Variants in CDK5RAP2 observed in about 807,000 individuals in gnomAD.
CDK5RAP2 encodes the protein CDK5 regulatory subunit associated protein 2.
Under a neutral mutation model 232.9 loss-of-function variants are expected in CDK5RAP2, and 147 were observed. That is an observed-to-expected ratio of 0.63 (90% CI 0.55 to 0.72). The LOEUF (loss-of-function observed/expected upper bound fraction) is 0.72, where lower values mean the gene tolerates loss of function less well. CDK5RAP2 is among the 30% of genes least tolerant of loss of function. The probability of loss-of-function intolerance (pLI) is 0.00; values close to 1 mark genes in which losing one functional copy is unlikely to be tolerated. For synonymous variants in CDK5RAP2, 833 were observed against 833.7 expected (o/e 1.00, Z 0.01); for missense variants, 2,195 against 2,231.5 (o/e 0.98, Z 0.33).
At chr9:120,448,240 T>C in intron 21 of CDK5RAP2, 114 bp from the exon 22 acceptor site, 1 of 866,832 alleles carries the variant, frequency 1.2e-6, no homozygotes, top group Non-Finnish European at 1.9e-6. Context: ...CTGCCCAGAC[T>C]TCTCGTTCCC....
intron 12 of CDK5RAP2, among the ~76,000 whole-genome samples, chr9:120,512,034 G>A (rs567365265): frequency 1.4e-3 from 213 of 151,090 alleles, no homozygotes; most frequent in African/African-American, 4.8e-3. Context: ...CACCGCGCCC[G>A]GCCACAATGT....
chr9:120,478,460 CA>C (rs1240443904), intron 14 of CDK5RAP2, among the ~76,000 whole-genome samples: 1 of 152,150 alleles, frequency 6.6e-6, no homozygotes, highest in African/African-American at 2.4e-5. Context: ...ATGTAATATA[CA>C]GCATGATGAC....
At chr9:120,391,894 C>T (rs1424817008) in intron 36 of CDK5RAP2, among the ~76,000 whole-genome samples, 1 of 152,206 alleles carries the variant, frequency 6.6e-6, no homozygotes, top group Non-Finnish European at 1.5e-5. Flanking sequence ...GGATGAGCTG[C>T]AGAGCCTGGC....
chr9:120,529,928 G>C (rs772759259), intron 8 of CDK5RAP2, 50 bp downstream of exon 8: 1 of 1,565,150 alleles, frequency 6.4e-7, no homozygotes, highest in African/African-American at 1.3e-5. Context: ...CTCCCACAGA[G>C]GAGTCTGGTT....
At chr9:120,536,269 AC>A (rs2041380072) in intron 7 of CDK5RAP2, 102 bp downstream of exon 7, 1 of 1,290,186 alleles carries the variant, frequency 7.8e-7, no homozygotes. Flanking sequence ...CCTATGGGAA[AC>A]ATGGGGAGAA....
chr9:120,548,011 C>T (rs1398129599), intron 4 of CDK5RAP2, among the ~76,000 whole-genome samples: 1 of 152,184 alleles, frequency 6.6e-6, no homozygotes, highest in African/African-American at 2.4e-5. Flanking sequence ...AAAAACAAAA[C>T]ATAAAAGCTC....
intron 35 of CDK5RAP2, among the ~76,000 whole-genome samples, chr9:120,397,545 AAAAAAAAAAAAAAAAAAAAAGAAAAAAG>A (rs992780188): frequency 1.9e-5 from 2 of 104,748 alleles, no homozygotes; most frequent in Non-Finnish European, 3.7e-5. Flanking sequence ...AAACATTCTT[AAAAAAAAAAAAAAAAAAAAAGAAAAAAG>A]AAAAAAAAAA....
chr9:120,472,446 G>A (rs766505695), intron 15 of CDK5RAP2, among the ~76,000 whole-genome samples: 5 of 152,238 alleles, frequency 3.3e-5, no homozygotes, highest in South Asian at 2.1e-4. Flanking sequence ...TTGGGCACCC[G>A]GGCTTCAGAA....
rs2032499781 is a variant in CDK5RAP2, at chr9:120,396,717, C to T, written c.5452-2079G>A. Among the ~76,000 whole-genome samples, 8 of 152,344 alleles carry T rather than the reference C, an allele frequency of 5.3e-5. 1 individual carries two copies. In the South Asian group the frequency reaches 1.4e-3, roughly 28 times the overall value. On this transcript the variant is annotated intron_variant, in intron 35 of 37. Coordinates refer to ENST00000349780, the MANE Select transcript of CDK5RAP2 (RefSeq NM_018249.6). Reference sequence around the variant, plus strand: ...AGTAGGTGCTGTGACACCATTTACCCACTCATGGTGGATTAATTTTCACTA... The same window carrying T: ...AGTAGGTGCTGTGACACCATTTACCTACTCATGGTGGATTAATTTTCACTA...
rs777478502 is a variant in CDK5RAP2 at position 120,568,406 on chromosome 9, A to G, written c.128-18T>C. The G allele has an allele frequency of 3.8e-6, 6 of 1,590,184 alleles. No homozygotes were observed. The highest frequency in any genetic ancestry group is 5.2e-6 in the Non-Finnish European group (6 of 1,158,074). ...TGGGAGCACTGTAAAAAGGTAAAAT[A>G]GAGGAAAACGTCACAGCATGCAAAC... is the stretch of plus-strand genomic sequence containing the variant. On this transcript the variant is annotated intron_variant, in intron 2 of 37. Coordinates refer to ENST00000349780, the MANE Select transcript of CDK5RAP2 (RefSeq NM_018249.6).
chr9:120,448,236 A>G, intron 21 of CDK5RAP2, 110 bp from the exon 22 acceptor site: 1 of 901,158 alleles, frequency 1.1e-6, no homozygotes, highest in Non-Finnish European at 1.8e-6. Flanking sequence ...CTGGCTGCCC[A>G]GACTTCTCGT....
chr9:120,566,544 T>C (rs2042652497), intron 3 of CDK5RAP2, among the ~76,000 whole-genome samples: 1 of 152,162 alleles, frequency 6.6e-6, no homozygotes, highest in Non-Finnish European at 1.5e-5. Context: ...ACAGTAATTA[T>C]AACAATAACA....
rs1244838496 is a variant in CDK5RAP2 at position 120,394,525 on chromosome 9, G to T, written c.5565C>A (p.Val1855=). 13 of 1,614,152 alleles carry T rather than the reference G, an allele frequency of 8.1e-6. No individual in the cohort carries two copies. In the East Asian group the frequency reaches 2.9e-4, roughly 36 times the overall value. Residue 1855 remains valine, a synonymous_variant, in exon 36 of 38, where the codon GTC becomes GTA. Transcript: ENST00000349780. ...LLQLSKRQEK[V]IFDQLVVTHK... ...ACACTCACTCACATTGATCAAAGAT[G>T]ACTTTTTCCTGGCGCTTGCTCAGCT...
At chr9:120,556,371 AT>A (rs1274864136) in intron 3 of CDK5RAP2, among the ~76,000 whole-genome samples, 1 of 151,888 alleles carries the variant, frequency 6.6e-6, no homozygotes, top group Non-Finnish European at 1.5e-5. Context: ...CTCATCACGT[AT>A]TTTTTTCAGC....
At chr9:120,528,624 C>G (rs528552010) in intron 9 of CDK5RAP2, 120 bp downstream of exon 9, 1 of 728,924 alleles carries the variant, frequency 1.4e-6, no homozygotes, top group African/African-American at 1.7e-5. Flanking sequence ...GACTGGCATA[C>G]AGTAGCATTC....
rs562393346 is a variant in CDK5RAP2 at position 120,509,542 on chromosome 9, A to G, written c.1311+8885T>C. Among the ~76,000 whole-genome samples, 3 of 152,366 alleles carry G rather than the reference A, an allele frequency of 2.0e-5. No homozygotes were observed. In the South Asian group the frequency reaches 6.2e-4, roughly 32 times the overall value. ...GTTTAAGCTGTTGGCTTAGAAGTTA[A>G]GCACTTGTAAGTGAAGCTGAGATTG... On this transcript the variant is annotated intron_variant, in intron 12 of 37. Transcript: ENST00000349780.
intron 32 of CDK5RAP2, among the ~76,000 whole-genome samples, chr9:120,405,420 T>C (rs2033364918): frequency 6.6e-6 from 1 of 152,208 alleles, no homozygotes; most frequent in East Asian, 1.9e-4. Flanking sequence ...TAAAGGCTGT[T>C]TGATGGCCTC....
At chr9:120,498,050 T>G (rs993582047) in intron 12 of CDK5RAP2, among the ~76,000 whole-genome samples, 4 of 152,162 alleles carry the variant, frequency 2.6e-5, no homozygotes, top group Non-Finnish European at 5.9e-5. Flanking sequence ...AAGAACCTGC[T>G]CTCCGTTATC....
Position 120,536,597 on chromosome 9 carries a change from T to C in CDK5RAP2, c.508-71A>G, listed in dbSNP as rs1371987924. The C allele has an allele frequency of 2.2e-6, 3 of 1,394,154 alleles. No individual in the cohort carries two copies. In the African/African-American group the frequency reaches 4.3e-5, roughly 20 times the overall value. The allele number at this position is 1,394,154 out of a possible 1,614,324, so 86.4% of individuals were successfully genotyped here. A position where few individuals can be genotyped will look rare whatever the true frequency, so the allele number is the denominator to read the frequency against. ...GGGAACATTTTGAAAGGAAATTGGA[T>C]TAAAATATAAATATTTATGACTTCT... is the stretch of plus-strand genomic sequence containing the variant. On this transcript the variant is annotated intron_variant, in intron 6 of 37. Transcript: ENST00000349780.
Sources: gnomAD v4.1 joint callset for allele counts (sites outside exome capture counted in the v4.1 genomes callset) on GRCh38, gnomAD v4.1.1 for gene constraint, MANE v1.5 for transcripts, NCBI Gene and HGNC (gene_info 2026-07-23, HGNC 2026-07-21) for gene names.